PHAF1: variants seen among roughly 807,000 people sequenced by gnomAD.
The protein encoded by PHAF1 is phagosome assembly factor 1.
Under a neutral mutation model 63.1 loss-of-function variants are expected in PHAF1, and 23 were observed. That is an observed-to-expected ratio of 0.36 (90% CI 0.26 to 0.52). The LOEUF (loss-of-function observed/expected upper bound fraction) is 0.52. Ranked by LOEUF, PHAF1 falls within the 20% of genes least tolerant of loss-of-function variation. The probability of loss-of-function intolerance (pLI) is 0.93; values close to 1 mark genes in which losing one functional copy is unlikely to be tolerated. For missense variants in PHAF1, 427 were observed against 517.2 expected, an observed-to-expected ratio of 0.83 and a Z score of 1.69; for synonymous variants, 167 against 185.0, an observed-to-expected ratio of 0.90 and a Z score of 0.79.
At position 67,145,438 on chromosome 16, in the gene PHAF1, AC is replaced by A. The variant is rs1176259863; in HGVS notation, c.1050+21del. 1 of 1,614,016 alleles carries A rather than the reference AC, an allele frequency of 6.2e-7. No individual in the cohort carries two copies. Among genetic ancestry groups the A allele is most frequent in the African/African-American group, 1.3e-5 (1 of 74,990 alleles). Reference sequence around the variant, plus strand: ...CAGCAAGGTGAGCACCTATCTTCCTACCTGGCATAGCCTGAGAATGAGGTGG... The same window carrying A: ...CAGCAAGGTGAGCACCTATCTTCCTACTGGCATAGCCTGAGAATGAGGTGG... On this transcript the variant is annotated intron_variant, in intron 13 of 15. Transcript: ENST00000219139.
At chr16:67,141,651 G>A (rs899935728) in intron 10 of PHAF1, among the ~76,000 whole-genome samples, 11 of 152,224 alleles carry the variant, frequency 7.2e-5, no homozygotes, top group Non-Finnish European at 1.5e-4. Context: ...GACTGCTGTG[G>A]TGGGGCAGGC....
chr16:67,128,712 A>G (rs1963280515), intron 3 of PHAF1, among the ~76,000 whole-genome samples: 1 of 152,202 alleles, frequency 6.6e-6, no homozygotes, highest in Non-Finnish European at 1.5e-5. Context: ...TTGTCCCTGT[A>G]GTGCAGCAAG....
chr16:67,133,514 A>C (rs1039943071), intron 6 of PHAF1, among the ~76,000 whole-genome samples: 15 of 151,200 alleles, frequency 9.9e-5, no homozygotes, highest in Admixed American at 2.6e-4. Flanking sequence ...AAAAAAAAAA[A>C]AAAAAAAACA....
chr16:67,148,541 G>GT lies in PHAF1; in HGVS notation c.*1411dup, dbSNP rs1183601319. On this transcript the variant is annotated 3_prime_UTR_variant, in exon 16 of 16. Coordinates refer to ENST00000219139, the MANE Select transcript of PHAF1 (RefSeq NM_025187.5). ...CTGTTGCTGGGATGTTTGTATTAAG[G>GT]TAAGTGTGGGTATTGGTTTTTTGAG... 2 of 152,156 alleles carry GT rather than the reference G, an allele frequency of 1.3e-5. No homozygotes were observed. Among genetic ancestry groups the GT allele is most frequent in the Non-Finnish European group, 2.9e-5 (2 of 68,002 alleles). The allele number at this position is 152,156 out of a possible 1,614,324, so 9.4% of individuals were successfully genotyped here. A position where few individuals can be genotyped will look rare whatever the true frequency, so the allele number is the denominator to read the frequency against.
intron 1 of PHAF1, among the ~76,000 whole-genome samples, chr16:67,117,403 T>C (rs1050923558): frequency 7.3e-5 from 11 of 151,484 alleles, no homozygotes; most frequent in African/African-American, 2.4e-4. Flanking sequence ...GGAGATGTCA[T>C]TGGAATTTGG....
At position 67,145,604 on chromosome 16, in the gene PHAF1, T is replaced by C. The variant is rs1331050715; in HGVS notation, c.1085T>C (p.Val362Ala). The change falls in exon 14 of 16, where the codon GTG (valine) becomes GCG (alanine). Residue 362 changes from valine (V) to alanine (A), a missense_variant. Transcript: ENST00000219139. ...ATCCAGGAGCTCCTGGGCCACCCTG[T>C]GGAGAAGCCTGTTGTCCTGCACAGG... Reference protein sequence around the residue: ...DNIQELLGHPVEKPVVLHRSS... With the variant: ...DNIQELLGHPAEKPVVLHRSS... 1 of 1,613,872 alleles carries C rather than the reference T, an allele frequency of 6.2e-7. No individual in the cohort carries two copies. The highest frequency in any genetic ancestry group is 1.3e-5 in the African/African-American group (1 of 74,906).
intron 2 of PHAF1, among the ~76,000 whole-genome samples, chr16:67,123,279 TA>T (rs879410858): frequency 1.4e-3 from 212 of 146,278 alleles, no homozygotes; most frequent in South Asian, 2.8e-3. Flanking sequence ...ATCTGGCTAT[TA>T]AAAAAAAAAA....
intron 1 of PHAF1, among the ~76,000 whole-genome samples, chr16:67,111,824 A>G (rs906954356): frequency 6.6e-6 from 1 of 152,152 alleles, no homozygotes; most frequent in Admixed American, 6.5e-5. Context: ...GGGTTTCGCC[A>G]TGTTGGCTAG....
chr16:67,116,062 TCTAA>T (rs374480808), intron 1 of PHAF1, among the ~76,000 whole-genome samples: 68 of 152,328 alleles, frequency 4.5e-4, no homozygotes, highest in African/African-American at 1.5e-3. Context: ...TTTCTTGACA[TCTAA>T]CTAACTGAGT....
At chr16:67,143,917 C>T (rs1429228359) in intron 10 of PHAF1, among the ~76,000 whole-genome samples, 13 of 151,650 alleles carry the variant, frequency 8.6e-5, no homozygotes, top group Admixed American at 8.5e-4. Context: ...GGTGAAACCC[C>T]GTCTCTACTA....
In PHAF1 at chr16:67,147,192, G is replaced by A; in HGVS notation, c.*61G>A. The A allele has an allele frequency of 6.8e-7, 1 of 1,478,088 alleles. No homozygotes were observed. The highest frequency in any genetic ancestry group is 9.4e-7 in the Non-Finnish European group (1 of 1,058,446). The allele number at this position is 1,478,088 out of a possible 1,614,324, so 91.6% of individuals were successfully genotyped here. A position where few individuals can be genotyped will look rare whatever the true frequency, so the allele number is the denominator to read the frequency against. On this transcript the variant is annotated 3_prime_UTR_variant, in exon 16 of 16. Transcript: ENST00000219139. The stretch of plus-strand genomic sequence containing the variant: ...CTGTGCATCACATCCTGCTCAGTGG[G>A]CCTCTGTACCACCCTGTGGGTTTTC...
chr16:67,140,631 A>C (rs376549916), intron 10 of PHAF1, 37 bp downstream of exon 10: 1 of 1,442,346 alleles, frequency 6.9e-7, no homozygotes, highest in Non-Finnish European at 9.8e-7. Context: ...CTTCATTTCT[A>C]TTGGGGTGGG....
chr16:67,110,004 G>T lies in PHAF1; in HGVS notation c.-172G>T. On this transcript the variant is annotated 5_prime_UTR_variant, in exon 1 of 16. It adds an upstream start codon to the 5' untranslated region. Coordinates refer to ENST00000219139, the MANE Select transcript of PHAF1 (RefSeq NM_025187.5). ...GGCTGCTGCAGGTGAGGTGAAGTGA[G>T]GTGAGGTGTGGTGTTGGGCCGGTGC... The T allele has an allele frequency of 1.6e-6, 1 of 629,104 alleles. No homozygotes were observed. Among genetic ancestry groups the T allele is most frequent in the Non-Finnish European group, 2.8e-6 (1 of 361,532 alleles). 39.0% of individuals were successfully genotyped at this position (629,104 alleles called of 1,614,324 possible). A position where few individuals can be genotyped will look rare whatever the true frequency, so the allele number is the denominator to read the frequency against.
At chr16:67,127,875 A>G (rs1963251123) in intron 3 of PHAF1, among the ~76,000 whole-genome samples, 1 of 152,202 alleles carries the variant, frequency 6.6e-6, no homozygotes, top group Non-Finnish European at 1.5e-5. Context: ...TGACTTGGTA[A>G]AAGTCCACTT....
At chr16:67,133,657 G>A (rs541232371) in intron 6 of PHAF1, among the ~76,000 whole-genome samples, 1 of 152,182 alleles carries the variant, frequency 6.6e-6, no homozygotes, top group Non-Finnish European at 1.5e-5. Context: ...GCGGGTGCCT[G>A]TAGTCCCAGC....
intron 2 of PHAF1, 74 bp from the exon 3 acceptor site, chr16:67,125,885 G>A (rs2145845851): frequency 9.4e-7 from 1 of 1,065,028 alleles, no homozygotes; most frequent in Non-Finnish European, 1.4e-6. Context: ...TGTTGCATTT[G>A]TATTGTAAGG....
intron 10 of PHAF1, 66 bp downstream of exon 10, chr16:67,140,660 C>A: frequency 2.5e-6 from 3 of 1,205,876 alleles, no homozygotes; most frequent in Non-Finnish European, 3.7e-6. Context: ...CTTTGCAGAT[C>A]TGTGTGTCCA....
At chr16:67,125,937 G>C (rs1963170783) in intron 2 of PHAF1, 22 bp from the exon 3 acceptor site, 2 of 1,544,086 alleles carry the variant, frequency 1.3e-6, no homozygotes, top group East Asian at 4.5e-5. Context: ...TACTCAGAAT[G>C]TATTTTATTT....
At chr16:67,131,880 CT>C (rs925276268) in intron 4 of PHAF1, 254 of 146,400 alleles carry the variant, frequency 1.7e-3, no homozygotes, top group Non-Finnish European at 1.4e-3. Context: ...TTCTTTCTTT[CT>C]TTTTTTTTTT....
Sources: allele counts gnomAD v4.1 joint callset (sites outside exome capture counted in the v4.1 genomes callset), GRCh38; gene constraint gnomAD v4.1.1; transcripts MANE v1.5; gene names NCBI Gene and HGNC (gene_info 2026-07-23, HGNC 2026-07-21).